ARPP21: variants seen among roughly 807,000 people sequenced by gnomAD.
ARPP21 encodes cAMP regulated phosphoprotein 21.
In ARPP21, 69 loss-of-function variants were observed where a neutral mutation model predicts 113.2. The observed-to-expected ratio is 0.61, with a 90% CI of 0.50 to 0.74. The LOEUF (loss-of-function observed/expected upper bound fraction) is 0.74, where lower values mean the gene tolerates loss of function less well. Among genes scored for constraint, ARPP21 ranks in the 30% least tolerant of loss-of-function variants. The pLI is 0.00. For synonymous variants in ARPP21, 368 were observed against 375.5 expected, an observed-to-expected ratio of 0.98 and a Z score of 0.23; for missense variants, 1,070 against 1,037.4, an observed-to-expected ratio of 1.03 and a Z score of -0.43.
At chr3:35,646,811 T>C (rs1700410350) in intron 1 of ARPP21, among the ~76,000 whole-genome samples, 2 of 152,190 alleles carry the variant, frequency 1.3e-5, no homozygotes, top group Admixed American at 1.3e-4. Flanking sequence ...TTTACTTAGA[T>C]ATGCTGATGT....
chr3:35,690,655 A>G (rs1010016089), intron 8 of ARPP21, among the ~76,000 whole-genome samples: 1 of 151,680 alleles, frequency 6.6e-6, no homozygotes, highest in South Asian at 2.1e-4. Flanking sequence ...ATGTGCAACT[A>G]TGAAACAAAG....
At chr3:35,763,162 A>C (rs1030102479) in intron 19 of ARPP21, among the ~76,000 whole-genome samples, 1 of 152,140 alleles carries the variant, frequency 6.6e-6, no homozygotes, top group Non-Finnish European at 1.5e-5. Flanking sequence ...GCTAGGGTTG[A>C]GAAAAATCCT....
At chr3:35,682,792 C>G in intron 3 of ARPP21, 56 bp from the exon 4 acceptor site, 2 of 1,477,486 alleles carry the variant, frequency 1.4e-6, no homozygotes, top group South Asian at 1.2e-5. Flanking sequence ...TGTTGATTTA[C>G]TGTTCGTTTT....
chr3:35,656,051 A>T (rs1177525160), intron 1 of ARPP21, among the ~76,000 whole-genome samples: 1 of 152,140 alleles, frequency 6.6e-6, no homozygotes, highest in African/African-American at 2.4e-5. Context: ...AAATTTCAAA[A>T]CAAACTAATC....
rs780135131 is a variant in ARPP21, at chr3:35,729,505, G to A, written c.1428G>A (p.Pro476=). 40 of 1,614,058 alleles carry A rather than the reference G, an allele frequency of 2.5e-5. No individual in the cohort carries two copies. Among genetic ancestry groups the A allele is most frequent in the South Asian group, 1.4e-4 (13 of 91,092 alleles). The part of the protein sequence containing the change: ...LLPLEAATGI[P]PGSILLNPHT... ...CACTTGAAGCTGCAACAGGCATCCC[G>A]CCTGGAAGCATCCTTCTTAATCCAC... Residue 476 remains proline, a synonymous_variant, in exon 15 of 21, where the codon CCG becomes CCA. Coordinates refer to ENST00000684406, the MANE Select transcript of ARPP21 (RefSeq NM_001385562.1).
At chr3:35,739,794 C>T (rs1254338915) in intron 18 of ARPP21, among the ~76,000 whole-genome samples, 2 of 152,142 alleles carry the variant, frequency 1.3e-5, no homozygotes, top group Non-Finnish European at 2.9e-5. Context: ...TCCAACTGCC[C>T]ATGAAAACAA....
At chr3:35,646,841 T>C (rs1374151409) in intron 1 of ARPP21, among the ~76,000 whole-genome samples, 1 of 152,178 alleles carries the variant, frequency 6.6e-6, no homozygotes, top group African/African-American at 2.4e-5. Context: ...TTTTGGAAAT[T>C]GTCAAACAAC....
chr3:35,754,182 T>G (rs1447771139), intron 19 of ARPP21, among the ~76,000 whole-genome samples: 1 of 151,818 alleles, frequency 6.6e-6, no homozygotes, highest in Non-Finnish European at 1.5e-5. Flanking sequence ...TCTCTAAGAG[T>G]TGATGATTCT....
intron 8 of ARPP21, 56 bp downstream of exon 8, chr3:35,690,196 A>G (rs988781153): frequency 1.1e-5 from 9 of 847,852 alleles, no homozygotes; most frequent in African/African-American, 8.3e-5. Context: ...TTGGTATTGG[A>G]GTTAAATTGT....
intron 9 of ARPP21, among the ~76,000 whole-genome samples, chr3:35,698,940 C>T (rs2085159913): frequency 6.6e-6 from 1 of 151,686 alleles, no homozygotes; most frequent in Admixed American, 6.6e-5. Context: ...TGACACAAAA[C>T]TGTTTCATGT....
intron 3 of ARPP21, chr3:35,682,421 TATC>T (rs2079189307): frequency 6.1e-6 from 1 of 163,686 alleles, no homozygotes; most frequent in South Asian, 1.9e-4. Flanking sequence ...CTGTGAAACA[TATC>T]ATGATTTACA....
At chr3:35,753,854 C>T (rs542005925) in intron 19 of ARPP21, among the ~76,000 whole-genome samples, 16 of 151,780 alleles carry the variant, frequency 1.1e-4, no homozygotes, top group African/African-American at 3.6e-4. Context: ...GCAAAATGTA[C>T]CTTAATGGAA....
intron 4 of ARPP21, 105 bp downstream of exon 4, chr3:35,682,994 A>G: frequency 8.9e-7 from 1 of 1,124,862 alleles, no homozygotes; most frequent in Non-Finnish European, 1.3e-6. Flanking sequence ...TTGTGTCCAG[A>G]TATTGTGGGG....
At chr3:35,672,839 G>A (rs550083417) in intron 1 of ARPP21, among the ~76,000 whole-genome samples, 3 of 152,030 alleles carry the variant, frequency 2.0e-5, no homozygotes, top group African/African-American at 4.8e-5. Flanking sequence ...ACAGCTTGCT[G>A]TCTTCCCTGC....
intron 1 of ARPP21, among the ~76,000 whole-genome samples, chr3:35,660,648 C>A (rs2149135942): frequency 6.6e-6 from 1 of 152,306 alleles, no homozygotes; most frequent in African/African-American, 2.4e-5. Flanking sequence ...TAATGACTAA[C>A]TTCATTCTCA....
intron 19 of ARPP21, among the ~76,000 whole-genome samples, chr3:35,745,100 A>C (rs2094939326): frequency 6.6e-6 from 1 of 152,176 alleles, no homozygotes; most frequent in Non-Finnish European, 1.5e-5. Context: ...TTGTTTCAGC[A>C]CTGTATTAGT....
intron 1 of ARPP21, among the ~76,000 whole-genome samples, chr3:35,654,531 A>G (rs777333193): frequency 5.3e-5 from 8 of 152,122 alleles, no homozygotes; most frequent in South Asian, 2.1e-4. Context: ...ATCTTCTGAA[A>G]AACTTATATA....
intron 1 of ARPP21, among the ~76,000 whole-genome samples, chr3:35,656,013 T>C (rs1704690711): frequency 1.3e-5 from 2 of 152,124 alleles, no homozygotes; most frequent in Admixed American, 1.3e-4. Context: ...ATTGAGATTT[T>C]ATAATCTAAA....
chr3:35,737,436 G>A lies in ARPP21; in HGVS notation c.1644+74G>A, dbSNP rs139418596. ...GCTACATAGTCCTCAGAGCAGCAGA[G>A]AATCAGGGAGAAGCGTATATTTTAC... On this transcript the variant is annotated intron_variant, in intron 16 of 20. Transcript: ENST00000684406. 3.5e-4 allele frequency: 342 copies of A among 964,196 alleles called. No homozygotes were observed. The African/African-American group carries it at 4.6e-3, about 13-fold the overall frequency. The allele number at this position is 964,196 out of a possible 1,614,324, so 59.7% of individuals were successfully genotyped here.
Sources: allele counts gnomAD v4.1 joint callset (sites outside exome capture counted in the v4.1 genomes callset), GRCh38; gene constraint gnomAD v4.1.1; transcripts MANE v1.5; gene names NCBI Gene and HGNC (gene_info 2026-07-23, HGNC 2026-07-21).